MID2: variants seen among roughly 807,000 people sequenced by gnomAD.
The protein encoded by MID2 is midline 2.
A neutral mutation model predicts 46.1 loss-of-function variants in MID2; 13 were observed. The observed-to-expected ratio is 0.28, with a 90% CI of 0.18 to 0.45. The LOEUF (loss-of-function observed/expected upper bound fraction) is 0.45, where lower values mean the gene tolerates loss of function less well. Among genes scored for constraint, MID2 ranks in the 20% least tolerant of loss-of-function variants. The pLI is 1.00. For missense variants in MID2, 431 were observed against 575.4 expected (o/e 0.75, Z 2.57); for synonymous variants, 199 against 212.3 (o/e 0.94, Z 0.55).
intron 2 of MID2, among the ~76,000 whole-genome samples, chrX:107,846,646 C>A (rs1322703946): frequency 2.7e-5 from 3 of 111,698 alleles, no homozygotes; most frequent in African/African-American, 9.8e-5. Flanking sequence ...CTATTCTTTT[C>A]TCTGCAAGAC....
At chrX:107,926,579 A>G (rs1374874332) in intron 9 of MID2, 92 bp from the exon 10 acceptor site, 1 of 861,303 alleles carries the variant, frequency 1.2e-6, no homozygotes, top group African/African-American at 2.1e-5. Flanking sequence ...GAATAAACAT[A>G]TATCCTATTT....
chrX:107,882,309 T>A (rs1187450834), intron 3 of MID2, among the ~76,000 whole-genome samples: 1 of 111,619 alleles, frequency 9.0e-6, no homozygotes, highest in Non-Finnish European at 1.9e-5. Flanking sequence ...GGACTTCATG[T>A]CTAAAACACC....
intron 3 of MID2, among the ~76,000 whole-genome samples, chrX:107,855,422 A>T (rs1931719731): frequency 8.9e-6 from 1 of 111,944 alleles, no homozygotes; most frequent in Admixed American, 9.5e-5. Flanking sequence ...TGAAACTTAT[A>T]CCATTTGGTT....
chrX:107,885,025 T>A (rs2147851238), intron 3 of MID2, among the ~76,000 whole-genome samples: 1 of 112,127 alleles, frequency 8.9e-6, no homozygotes, highest in East Asian at 2.8e-4. Context: ...TGTATTAAGA[T>A]GGCCAGATTT....
chrX:107,901,464 G>C (rs1932793938), intron 3 of MID2, among the ~76,000 whole-genome samples: 1 of 111,659 alleles, frequency 9.0e-6, no homozygotes, highest in Non-Finnish European at 1.9e-5. Flanking sequence ...ACTGAGTTTA[G>C]GGTAACTTGA....
intron 3 of MID2, among the ~76,000 whole-genome samples, chrX:107,875,854 A>G (rs1030991201): frequency 8.9e-6 from 1 of 111,824 alleles, no homozygotes; most frequent in Non-Finnish European, 1.9e-5. Flanking sequence ...AGTGTCCAAA[A>G]GGAGGTCCAC....
intron 2 of MID2, among the ~76,000 whole-genome samples, chrX:107,852,929 G>A (rs778524416): frequency 3.6e-5 from 4 of 111,524 alleles, no homozygotes; most frequent in African/African-American, 1.3e-4. Flanking sequence ...CATGACTGAG[G>A]GAAGGACTGC....
intron 5 of MID2, among the ~76,000 whole-genome samples, chrX:107,914,837 A>C (rs1199420451): frequency 8.9e-6 from 1 of 112,652 alleles, no homozygotes; most frequent in East Asian, 2.8e-4. Flanking sequence ...GGTTAAGGTT[A>C]TAGAATTTAG....
At chrX:107,911,249 A>G (rs930812021) in intron 5 of MID2, among the ~76,000 whole-genome samples, 1 of 111,155 alleles carries the variant, frequency 9.0e-6, no homozygotes, top group African/African-American at 3.3e-5. Context: ...ATGTTCTTGT[A>G]TTATTTGCTA....
intron 2 of MID2, among the ~76,000 whole-genome samples, chrX:107,845,797 A>G (rs1931457105): frequency 9.0e-6 from 1 of 110,829 alleles, no homozygotes; most frequent in Non-Finnish European, 1.9e-5. Flanking sequence ...CACCCACTTG[A>G]CACCCACTAC....
chrX:107,898,610 T>C (rs1358900502), intron 3 of MID2, among the ~76,000 whole-genome samples: 1 of 112,412 alleles, frequency 8.9e-6, no homozygotes, highest in Admixed American at 9.5e-5. Context: ...TACTAGACTG[T>C]AAGTGCCTTG....
intron 1 of MID2, among the ~76,000 whole-genome samples, chrX:107,829,196 G>A (rs7879425): frequency 0.2 from 22,129 of 111,606 alleles, 2,312 homozygotes; most frequent in African/African-American, 0.4. Flanking sequence ...TTCAAAGAAA[G>A]CACTTCCTTT....
rs1293864060 is a variant in MID2, at chrX:107,931,443, A to T, written c.*4370A>T. ...TGTTATTGGCTAGACTATTTATTAGACTATTGTTGGACTATTTTTTATCAA... is the reference window on the plus strand; with the variant it reads ...TGTTATTGGCTAGACTATTTATTAGTCTATTGTTGGACTATTTTTTATCAA... On this transcript the variant is annotated 3_prime_UTR_variant, in exon 10 of 10. Coordinates refer to ENST00000262843, the MANE Select transcript of MID2 (RefSeq NM_012216.4). Among the ~76,000 whole-genome samples, 3 of 111,259 alleles carry T rather than the reference A, an allele frequency of 2.7e-5. No homozygotes were observed. The East Asian group carries it at 8.4e-4, about 31-fold the overall frequency.
At chrX:107,828,198 G>T (rs1409619929) in intron 1 of MID2, among the ~76,000 whole-genome samples, 1 of 110,817 alleles carries the variant, frequency 9.0e-6, no homozygotes, top group Admixed American at 9.6e-5. Context: ...CTCCATGATT[G>T]TAAGCTTCCT....
At chrX:107,907,063 C>A (rs1183990397) in intron 5 of MID2, among the ~76,000 whole-genome samples, 1 of 111,813 alleles carries the variant, frequency 8.9e-6, no homozygotes. Context: ...TTCTCAATCC[C>A]CTTGCCCCAT....
At chrX:107,909,158 A>G (rs1474049400) in intron 5 of MID2, among the ~76,000 whole-genome samples, 1 of 111,899 alleles carries the variant, frequency 8.9e-6, no homozygotes, top group Non-Finnish European at 1.9e-5. Flanking sequence ...AAGTTACTTG[A>G]AAACAGCTTG....
chrX:107,843,593 C>T, intron 2 of MID2, among the ~76,000 whole-genome samples: 1 of 110,936 alleles, frequency 9.0e-6, no homozygotes. Context: ...TGAATCATTC[C>T]CAACTGTGTG....
chrX:107,831,617 G>C (rs1432735755), intron 1 of MID2, among the ~76,000 whole-genome samples: 8 of 112,105 alleles, frequency 7.1e-5, no homozygotes, highest in Non-Finnish European at 1.5e-4. Context: ...TCTGTTCTCT[G>C]TCCCTTGTTT....
chrX:107,837,242 C>T (rs193279328), intron 1 of MID2, among the ~76,000 whole-genome samples: 38 of 112,005 alleles, frequency 3.4e-4, no homozygotes, highest in South Asian at 1.1e-3. Context: ...ATTTATATGG[C>T]ACCCTCTTAA....
Sources: gnomAD v4.1 joint callset for allele counts (sites outside exome capture counted in the v4.1 genomes callset) on GRCh38, gnomAD v4.1.1 for gene constraint, MANE v1.5 for transcripts, NCBI Gene and HGNC (gene_info 2026-07-23, HGNC 2026-07-21) for gene names.